ANKRD6: variants seen among roughly 807,000 people sequenced by gnomAD.
ANKRD6 encodes ankyrin repeat domain 6, also known as ankyrin repeat domain-containing protein 6.
Under a neutral mutation model 82.3 loss-of-function variants are expected in ANKRD6, and 56 were observed. The observed-to-expected ratio is 0.68, with a 90% confidence interval of 0.55 to 0.85. The LOEUF is 0.85. ANKRD6 is among the 40% of genes least tolerant of loss of function. ANKRD6 has a pLI of 0.00. For synonymous variants in ANKRD6, 347 were observed against 352.1 expected, an observed-to-expected ratio of 0.99 and a Z score of 0.16; for missense variants, 852 against 907.6, an observed-to-expected ratio of 0.94 and a Z score of 0.79.
At position 89,629,132 on chromosome 6, in the gene ANKRD6, A is replaced by G; in HGVS notation, c.1506A>G (p.Leu502=). The change falls in exon 15 of 16, where the codon TTA becomes TTG. Residue 502 remains leucine (L), a synonymous_variant. Coordinates refer to ENST00000339746, the MANE Select transcript of ANKRD6 (RefSeq NM_001242809.2). ...TTAAGATATCCTTGGTGGATGAATT[A>G]AAAACCTGGTGCATGTTAAAGATTC... The part of the protein sequence containing the change: ...EKRQISLVDE[L]KTWCMLKIQN... 1 of 1,613,546 alleles carries G rather than the reference A, an allele frequency of 6.2e-7. No homozygotes were observed. The highest frequency in any genetic ancestry group is 1.3e-5 in the African/African-American group (1 of 74,966).
At chr6:89,573,689 A>G (rs1241932918) in intron 2 of ANKRD6, among the ~76,000 whole-genome samples, 1 of 152,178 alleles carries the variant, frequency 6.6e-6, no homozygotes, top group Admixed American at 6.5e-5. Context: ...CCTCTTGCTT[A>G]CGGGACAATT....
At chr6:89,499,247 G>A (rs1778993546) in intron 1 of ANKRD6, among the ~76,000 whole-genome samples, 1 of 152,188 alleles carries the variant, frequency 6.6e-6, no homozygotes, top group East Asian at 1.9e-4. Flanking sequence ...AATAAAAGGA[G>A]CCTAAGTTTC....
At chr6:89,520,062 A>G (rs369950136) in intron 1 of ANKRD6, among the ~76,000 whole-genome samples, 25 of 152,284 alleles carry the variant, frequency 1.6e-4, no homozygotes, top group African/African-American at 6.0e-4. Context: ...ATCACGGCTC[A>G]CTTGCAGCCT....
At chr6:89,524,374 C>A (rs1345983280) in intron 1 of ANKRD6, among the ~76,000 whole-genome samples, 1 of 152,092 alleles carries the variant, frequency 6.6e-6, no homozygotes, top group Non-Finnish European at 1.5e-5. Flanking sequence ...CTCCCACTTA[C>A]AAGTGAGAAC....
intron 1 of ANKRD6, chr6:89,562,696 G>A (rs1787637615): frequency 6.6e-6 from 1 of 152,206 alleles, no homozygotes; most frequent in African/African-American, 2.4e-5. Flanking sequence ...CTGAATGGAT[G>A]TCTTAATAAG....
intron 1 of ANKRD6, among the ~76,000 whole-genome samples, chr6:89,499,930 A>ATTTTGTCT (rs2127881988): frequency 6.6e-6 from 1 of 152,284 alleles, no homozygotes; most frequent in African/African-American, 2.4e-5. Context: ...AGTAATGGAG[A>ATTTTGTCT]CAAAAAGCAT....
intron 1 of ANKRD6, among the ~76,000 whole-genome samples, chr6:89,478,809 A>G (rs925174919): frequency 2.0e-5 from 3 of 151,994 alleles, no homozygotes; most frequent in Non-Finnish European, 4.4e-5. Context: ...ATTTTTTTAA[A>G]AGAAATGAGA....
intron 1 of ANKRD6, among the ~76,000 whole-genome samples, chr6:89,434,763 G>A (rs761307935): frequency 3.9e-5 from 6 of 152,160 alleles, no homozygotes; most frequent in Non-Finnish European, 8.8e-5. Flanking sequence ...TGTCTATACC[G>A]ATACATGTTA....
chr6:89,490,456 A>G (rs1777888016), intron 1 of ANKRD6, among the ~76,000 whole-genome samples: 1 of 152,244 alleles, frequency 6.6e-6, no homozygotes, highest in South Asian at 2.1e-4. Flanking sequence ...CAAATATCAG[A>G]TGTCATTGAA....
chr6:89,570,762 A>G (rs1789670687), intron 2 of ANKRD6, among the ~76,000 whole-genome samples: 1 of 152,224 alleles, frequency 6.6e-6, no homozygotes, highest in Non-Finnish European at 1.5e-5. Context: ...CATTTTATGT[A>G]TATGCCACAT....
intron 1 of ANKRD6, among the ~76,000 whole-genome samples, chr6:89,481,759 G>T (rs1314654843): frequency 6.6e-6 from 1 of 152,082 alleles, no homozygotes; most frequent in African/African-American, 2.4e-5. Context: ...GCTGGTGGTG[G>T]TACTGCTGCT....
chr6:89,555,226 C>G (rs1226185857), intron 1 of ANKRD6, among the ~76,000 whole-genome samples: 1 of 151,546 alleles, frequency 6.6e-6, no homozygotes, highest in Non-Finnish European at 1.5e-5. Flanking sequence ...AGGAATTTCT[C>G]TGGTTAGGAC....
At chr6:89,505,374 C>T (rs899524321) in intron 1 of ANKRD6, among the ~76,000 whole-genome samples, 2 of 152,228 alleles carry the variant, frequency 1.3e-5, no homozygotes, top group Admixed American at 6.5e-5. Flanking sequence ...GAAACAGCAA[C>T]TCCTCTAGGC....
chr6:89,592,228 G>A (rs763951234), intron 2 of ANKRD6, among the ~76,000 whole-genome samples: 3 of 152,180 alleles, frequency 2.0e-5, no homozygotes, highest in Non-Finnish European at 4.4e-5. Flanking sequence ...TATCTCACTG[G>A]TCTTTGCGAA....
chr6:89,627,490 A>T, intron 13 of ANKRD6, 93 bp from the exon 14 acceptor site: 1 of 1,060,672 alleles, frequency 9.4e-7, no homozygotes, highest in Non-Finnish European at 1.4e-6. Flanking sequence ...AGGGGCTCCT[A>T]CTTGGTTCCC....
chr6:89,630,532 C>A lies in ANKRD6; in HGVS notation c.1712C>A (p.Thr571Asn). 1 of 1,614,020 alleles carries A rather than the reference C, an allele frequency of 6.2e-7. No homozygotes were observed. The highest frequency in any genetic ancestry group is 8.5e-7 in the Non-Finnish European group (1 of 1,179,868). The change falls in exon 16 of 16, where the codon ACC becomes AAC. Residue 571 changes from threonine (T) to asparagine (N), a missense_variant. By Grantham distance (65) the Thr-to-Asn change is moderately conservative. Coordinates refer to ENST00000339746, the MANE Select transcript of ANKRD6 (RefSeq NM_001242809.2). ...GAGAAGGCCCTCAACTCCACTGCTA[C>A]CCAGAGACTCCAGCAGGAGCTGTCG... ...PKEKALNSTA[T>N]QRLQQELSSS...
At chr6:89,472,442 T>C (rs773242041) in intron 1 of ANKRD6, among the ~76,000 whole-genome samples, 5 of 152,222 alleles carry the variant, frequency 3.3e-5, no homozygotes, top group Non-Finnish European at 7.3e-5. Flanking sequence ...TTTTCTACTT[T>C]GTAAAGTCTG....
chr6:89,622,158 C>G (rs973640996), intron 10 of ANKRD6, 132 bp downstream of exon 10: 2 of 738,178 alleles, frequency 2.7e-6, no homozygotes, highest in Admixed American at 2.9e-5. Flanking sequence ...TGGAGCTCTT[C>G]AAACTGTTGC....
chr6:89,561,340 G>A (rs1748658653), intron 1 of ANKRD6: 1 of 152,196 alleles, frequency 6.6e-6, no homozygotes, highest in African/African-American at 2.4e-5. Flanking sequence ...ACAGTGGGGT[G>A]TATTTATAAT....
Sources: gnomAD v4.1 joint callset for allele counts (sites outside exome capture counted in the v4.1 genomes callset) on GRCh38, gnomAD v4.1.1 for gene constraint, MANE v1.5 for transcripts, NCBI Gene and HGNC (gene_info 2026-07-23, HGNC 2026-07-21) for gene names.